Variants in CLASRP observed in about 807,000 individuals in gnomAD.
CLASRP encodes CLK4 associating serine/arginine rich protein, also known as CLK4-associating serine/arginine rich protein.
A neutral mutation model predicts 99.9 loss-of-function variants in CLASRP; 52 were observed. The observed-to-expected ratio is 0.52, with a 90% confidence interval of 0.42 to 0.66. CLASRP has a LOEUF of 0.66. Among genes scored for constraint, CLASRP ranks in the 30% least tolerant of loss-of-function variants. The pLI is 0.00. For synonymous variants in CLASRP, 379 were observed against 373.0 expected (o/e 1.02, Z -0.18); for missense variants, 848 against 999.2 (o/e 0.85, Z 2.04).
At chr19:45,047,196 AAAAG>A (rs774470958) in intron 2 of CLASRP, among the ~76,000 whole-genome samples, 8 of 152,196 alleles carry the variant, frequency 5.3e-5, no homozygotes, top group East Asian at 1.9e-4. Context: ...TCAATCTTAA[AAAAG>A]AAAGAAATCC....
Position 45,067,509 on chromosome 19 carries a change from C to T in CLASRP, c.1582C>T (p.Arg528Cys), listed in dbSNP as rs543464549. 1.4e-5 allele frequency: 23 copies of T among 1,594,578 alleles called. No homozygotes were observed. The highest frequency in any genetic ancestry group is 1.0e-4 in the South Asian group (9 of 89,736). ...PSQSRSRSRS[R>C]SQSPSPSPAR... ...CCAGAGCCGCAGCCGCAGCCGCAGC[C>T]GCAGCCAGAGCCCCTCGCCATCACC... The change falls in exon 14 of 21, where the codon CGC becomes TGC. Residue 528 changes from arginine (R) to cysteine (C), a missense_variant. By Grantham distance (180) the Arg-to-Cys change is radical. Around this residue, in one of 8 missense-constraint regions of CLASRP, gnomAD observed 489 missense variants for 434.7 expected, o/e 1.12. Coordinates refer to ENST00000221455, the MANE Select transcript of CLASRP (RefSeq NM_007056.3). This position sits in a 1 kb window ranked among gnomAD's most constrained non-coding sequence, Gnocchi z 4.9.
At chr19:45,041,248 T>G (rs1475800528) in intron 2 of CLASRP, among the ~76,000 whole-genome samples, 5 of 147,308 alleles carry the variant, frequency 3.4e-5, no homozygotes, top group Non-Finnish European at 7.5e-5. Context: ...AAAAAAAGAC[T>G]GTCTCAAAAA....
chr19:45,042,629 T>C (rs1281157173), intron 2 of CLASRP, among the ~76,000 whole-genome samples: 1 of 152,032 alleles, frequency 6.6e-6, no homozygotes, highest in African/African-American at 2.4e-5. Context: ...TTTTTTTTTT[T>C]TGAGGCAGAG....
At chr19:45,043,618 C>A (rs570199945) in intron 2 of CLASRP, among the ~76,000 whole-genome samples, 3 of 152,022 alleles carry the variant, frequency 2.0e-5, no homozygotes, top group Admixed American at 6.6e-5. Context: ...ACCCCCAGGC[C>A]ATGTGAGAGA....
At chr19:45,065,851 A>G (rs1967074527) in intron 13 of CLASRP, among the ~76,000 whole-genome samples, 1 of 152,184 alleles carries the variant, frequency 6.6e-6, no homozygotes, top group African/African-American at 2.4e-5. Flanking sequence ...AAACCCATGT[A>G]AGGTGCTTAG....
intron 1 of CLASRP, chr19:45,039,588 TG>T: frequency 6.5e-6 from 1 of 153,092 alleles, no homozygotes; most frequent in Non-Finnish European, 1.5e-5. Context: ...AGCTTCACTC[TG>T]GTCTCCTTGC....
Position 45,060,507 on chromosome 19 carries a change from C to G in CLASRP, c.789+40C>G. Reference sequence around the variant, plus strand: ...GGAGTGGAAGGGGACAGGGGTGTGTCACAGGGAGGGCACCCCCTCACCAAC... The same window carrying G: ...GGAGTGGAAGGGGACAGGGGTGTGTGACAGGGAGGGCACCCCCTCACCAAC... On this transcript the variant is annotated intron_variant, in intron 9 of 20. Coordinates refer to ENST00000221455, the MANE Select transcript of CLASRP (RefSeq NM_007056.3). The surrounding 1 kb of genome is among the most constrained non-coding windows in gnomAD (Gnocchi z 4.6). 6.2e-7 allele frequency: 1 copy of G among 1,612,964 alleles called. No homozygotes were observed.
In CLASRP at chr19:45,064,487, G is replaced by T. The variant is rs1015087218; in HGVS notation, c.1266G>T (p.Trp422Cys). Reference sequence around the variant, plus strand: ...ACGCCCGCTCCCGGTCCCGCTCCTGGTCCCGCTCCCGCTCCCGCTCCCGGC... The same window carrying T: ...ACGCCCGCTCCCGGTCCCGCTCCTGTTCCCGCTCCCGCTCCCGCTCCCGGC... Reference protein sequence around the residue: ...GRHARSRSRSWSRSRSRSRRY... With the variant: ...GRHARSRSRSCSRSRSRSRRY... The change falls in exon 13 of 21, where the codon TGG becomes TGT. Residue 422 changes from tryptophan (W) to cysteine (C), a missense_variant. By Grantham distance (215) the Trp-to-Cys change is radical (BLOSUM62 -2). Around this residue, in one of 8 missense-constraint regions of CLASRP, gnomAD observed 489 missense variants for 434.7 expected, o/e 1.12. Transcript: ENST00000221455. 3 of 1,533,850 alleles carry T rather than the reference G, an allele frequency of 2.0e-6. No homozygotes were observed. The East Asian group carries it at 7.4e-5, about 38-fold the overall frequency.
intron 5 of CLASRP, among the ~76,000 whole-genome samples, 180 bp downstream of exon 5, chr19:45,053,357 T>G (rs182358603): frequency 6.6e-6 from 1 of 152,172 alleles, no homozygotes; most frequent in Non-Finnish European, 1.5e-5. Context: ...AGATTTGGTA[T>G]AGGGGATGTC....
intron 6 of CLASRP, among the ~76,000 whole-genome samples, chr19:45,056,989 G>A (rs1360223124): frequency 2.0e-5 from 3 of 152,196 alleles, no homozygotes; most frequent in Non-Finnish European, 2.9e-5. Context: ...TCTGGAGAGA[G>A]GCTTCTTAAA....
intron 2 of CLASRP, among the ~76,000 whole-genome samples, chr19:45,041,332 A>G (rs1348847524): frequency 6.6e-6 from 1 of 152,084 alleles, no homozygotes; most frequent in African/African-American, 2.4e-5. Context: ...TTTGCGGGGA[A>G]GACCAAACTA....
chr19:45,068,191 C>T (rs963152235), intron 15 of CLASRP, 137 bp downstream of exon 15: 2 of 765,512 alleles, frequency 2.6e-6, no homozygotes, highest in African/African-American at 1.7e-5. Flanking sequence ...GGGGAAGGGT[C>T]TGCCCCTGTG....
chr19:45,060,138 A>G lies in CLASRP; in HGVS notation c.711-251A>G, dbSNP rs542927766. 6.4e-4 allele frequency among the ~76,000 whole-genome samples: 97 copies of G among 150,420 alleles called. 2 individuals are homozygous for G. In the South Asian group the frequency reaches 0.02, roughly 31 times the overall value. On this transcript the variant is annotated intron_variant, in intron 8 of 20. Transcript: ENST00000221455. The surrounding 1 kb of genome is among the most constrained non-coding windows in gnomAD (Gnocchi z 4.6). ...GACCACACATTTTATTCCCTTGCTC[A>G]TTATCTTCTCCCCTAGAATGTAAGC...
At chr19:45,064,697 G>T in intron 13 of CLASRP, 67 bp downstream of exon 13, 2 of 1,470,716 alleles carry the variant, frequency 1.4e-6, no homozygotes, top group South Asian at 2.7e-5. Flanking sequence ...TGGGGAGAAG[G>T]TGCTCAGAGG....
rs115830749 is a variant in CLASRP at position 45,067,170 on chromosome 19, C to G, written c.1410-167C>G. Among the ~76,000 whole-genome samples, 1 of 152,162 alleles carries G rather than the reference C, an allele frequency of 6.6e-6. No homozygotes were observed. Among genetic ancestry groups the G allele is most frequent in the East Asian group, 1.9e-4 (1 of 5,198 alleles). ...GCCATCTCTGTAGCCGGAGGGAGGC[C>G]GGAATGCCGCTCTGGGACATTTTGG... On this transcript the variant is annotated intron_variant, in intron 13 of 20. Transcript: ENST00000221455. This position sits in a 1 kb window ranked among gnomAD's most constrained non-coding sequence, Gnocchi z 4.9.
Position 45,067,499 on chromosome 19 carries a change from C to A in CLASRP, c.1572C>A (p.Arg524=). 1 of 1,585,050 alleles carries A rather than the reference C, an allele frequency of 6.3e-7. No individual in the cohort carries two copies. The highest frequency in any genetic ancestry group is 1.3e-5 in the African/African-American group (1 of 74,294). The change falls in exon 14 of 21, where the codon CGC becomes CGA. Residue 524 remains arginine, a synonymous_variant. Coordinates refer to ENST00000221455, the MANE Select transcript of CLASRP (RefSeq NM_007056.3). This position sits in a 1 kb window ranked among gnomAD's most constrained non-coding sequence, Gnocchi z 4.9. ...CCAGCCCCAGCCAGAGCCGCAGCCG[C>A]AGCCGCAGCCGCAGCCAGAGCCCCT... ...HSPSPSQSRS[R]SRSRSQSPSP...
chr19:45,067,516 A>G lies in CLASRP; in HGVS notation c.1589A>G (p.Gln530Arg), dbSNP rs751853621. 1.9e-6 allele frequency: 3 copies of G among 1,597,938 alleles called. No individual in the cohort carries two copies. Among genetic ancestry groups the G allele is most frequent in the Non-Finnish European group, 2.6e-6 (3 of 1,176,266 alleles). The change falls in exon 14 of 21, where the codon CAG becomes CGG. Residue 530 changes from glutamine to arginine, a missense_variant. Physicochemically the swap from Gln to Arg is conservative, Grantham distance 43. Coordinates refer to ENST00000221455, the MANE Select transcript of CLASRP (RefSeq NM_007056.3). The surrounding 1 kb of genome is among the most constrained non-coding windows in gnomAD (Gnocchi z 4.9). ...CGCAGCCGCAGCCGCAGCCGCAGCC[A>G]GAGCCCCTCGCCATCACCCGCAAGA... ...QSRSRSRSRSQSPSPSPAREK... is the reference protein window; with the variant it reads ...QSRSRSRSRSRSPSPSPAREK...
chr19:45,047,860 G>A (rs140051805), intron 2 of CLASRP, among the ~76,000 whole-genome samples: 2 of 152,120 alleles, frequency 1.3e-5, no homozygotes, highest in Non-Finnish European at 2.9e-5. Context: ...GAGGCAGGCA[G>A]ATCACCTGAG....
At position 45,052,819 on chromosome 19, in the gene CLASRP, A is replaced by G. The variant is rs1349044938; in HGVS notation, c.226A>G (p.Met76Val). 2 of 1,612,256 alleles carry G rather than the reference A, an allele frequency of 1.2e-6. No individual in the cohort carries two copies. The highest frequency in any genetic ancestry group is 1.7e-6 in the Non-Finnish European group (2 of 1,179,368). ...GCCCTGGCAGGGGGACACCAACAACATGATTGACCGATTCGATGTCCGTGC... is the reference window on the plus strand; with the variant it reads ...GCCCTGGCAGGGGGACACCAACAACGTGATTGACCGATTCGATGTCCGTGC... ...MMPWQGDTNN[M>V]IDRFDVRAHL... The change falls in exon 4 of 21, where the codon ATG becomes GTG. Residue 76 changes from methionine to valine, a missense_variant. Transcript: ENST00000221455.
Sources: gnomAD v4.1 joint callset for allele counts (sites outside exome capture counted in the v4.1 genomes callset) on GRCh38, gnomAD v4.1.1 for gene constraint, gnomAD v4.1.1 regional missense constraint, Gnocchi (gnomAD v3.1) non-coding constraint, MANE v1.5 for transcripts, NCBI Gene and HGNC (gene_info 2026-07-23, HGNC 2026-07-21) for gene names.